FRMPD3: variants seen among roughly 807,000 people sequenced by gnomAD.
FRMPD3 encodes FERM and PDZ domain containing 3.
Under a neutral mutation model 97.9 loss-of-function variants are expected in FRMPD3, and 42 were observed. That is an observed-to-expected ratio of 0.43 (90% CI 0.34 to 0.55). FRMPD3 has a LOEUF of 0.55. FRMPD3 is among the 20% of genes least tolerant of loss of function. FRMPD3 has a pLI of 0.03. For synonymous variants in FRMPD3, 577 were observed against 581.1 expected, an observed-to-expected ratio of 0.99 and a Z score of 0.10; for missense variants, 1,303 against 1,457.7, an observed-to-expected ratio of 0.89 and a Z score of 1.73.
rs1442576361 is a variant in FRMPD3, at chrX:107,556,750, C to T, written c.762+2246C>T. On this transcript the variant is annotated intron_variant, in intron 8 of 14. Coordinates refer to ENST00000683843, the MANE Select transcript of FRMPD3 (RefSeq NM_001388459.1). ...TTATTTTGATCTGACTTATTTGGCT[C>T]GGCATACTGATTTTGAGATCCATCT... Among the ~76,000 whole-genome samples the T allele has an allele frequency of 3.6e-5, 4 of 111,894 alleles. No homozygotes were observed. In the East Asian group the frequency reaches 8.3e-4, roughly 23 times the overall value.
intron 1 of FRMPD3, among the ~76,000 whole-genome samples, chrX:107,479,498 T>C (rs1921283980): frequency 8.9e-6 from 1 of 112,250 alleles, no homozygotes; most frequent in Non-Finnish European, 1.9e-5. Flanking sequence ...CCCTGACAAC[T>C]GGATAGTAGA....
intron 1 of FRMPD3, chrX:107,525,510 T>C: frequency 3.7e-6 from 2 of 537,914 alleles, no homozygotes; most frequent in Non-Finnish European, 6.7e-6. Context: ...GTTACTTAAG[T>C]TGTGGAAATC....
chrX:107,594,172 G>A (rs369710347), intron 13 of FRMPD3, among the ~76,000 whole-genome samples: 1 of 111,710 alleles, frequency 9.0e-6, no homozygotes, highest in East Asian at 2.8e-4. Flanking sequence ...GTCACTGTTG[G>A]TGTATAGCAG....
At chrX:107,496,839 C>G (rs758663268) in intron 1 of FRMPD3, among the ~76,000 whole-genome samples, 1 of 112,559 alleles carries the variant, frequency 8.9e-6, no homozygotes, top group South Asian at 3.8e-4. Flanking sequence ...GAGAGCTGAG[C>G]TGGGCAACAG....
rs201808032 is a variant in FRMPD3, at chrX:107,472,297, A to T, written c.-8+22292A>T. On this transcript the variant is annotated intron_variant, in intron 1 of 14. Transcript: ENST00000683843. The stretch of plus-strand genomic sequence containing the variant: ...TTGCTGTGCAAAAGCTGTTTAGTTT[A>T]ATTAGATCTCATTTGTCAATTTTGG... Among the ~76,000 whole-genome samples, 7 of 111,525 alleles carry T rather than the reference A, an allele frequency of 6.3e-5. No homozygotes were observed. The East Asian group carries it at 1.7e-3, about 27-fold the overall frequency.
chrX:107,508,103 A>C (rs948565095), intron 1 of FRMPD3, among the ~76,000 whole-genome samples: 1 of 112,202 alleles, frequency 8.9e-6, no homozygotes, highest in African/African-American at 3.2e-5. Context: ...CCACAAGCCC[A>C]AGGTCCCACA....
rs1168557459 is a variant in FRMPD3 at position 107,601,996 on chromosome X, C to T, written c.3957C>T (p.Ser1319=). 1 of 1,166,288 alleles carries T rather than the reference C, an allele frequency of 8.6e-7. No homozygotes were observed. The highest frequency in any genetic ancestry group is 2.6e-5 in the Admixed American group (1 of 39,046). The change falls in exon 15 of 15, where the codon AGC becomes AGT. Residue 1319 remains serine (S), a synonymous_variant. Transcript: ENST00000683843. ...AAGCCACCCAGACACCAGTGCCCAGCCTCCGGGGGAGGGAAAGGGACAGAG... is the reference window on the plus strand; with the variant it reads ...AAGCCACCCAGACACCAGTGCCCAGTCTCCGGGGGAGGGAAAGGGACAGAG... ...RPQATQTPVP[S]LRGRERDRVL...
intron 13 of FRMPD3, among the ~76,000 whole-genome samples, chrX:107,581,101 T>A (rs972979847): frequency 1.8e-5 from 2 of 111,414 alleles, no homozygotes; most frequent in Admixed American, 1.9e-4. Flanking sequence ...TACCCTTTTT[T>A]GCTCTGTTTG....
At position 107,522,500 on chromosome X, in the gene FRMPD3, A is replaced by G. The variant is rs770740764; in HGVS notation, c.-7-4082A>G. On this transcript the variant is annotated intron_variant, in intron 1 of 14. Coordinates refer to ENST00000683843, the MANE Select transcript of FRMPD3 (RefSeq NM_001388459.1). The stretch of plus-strand genomic sequence containing the variant: ...TCCAGGACCGTGAGTGGGAGCAGGT[A>G]GGGGGTGCTGCAATTGTGGGTCCTA... 19 of 538,481 alleles carry G rather than the reference A, an allele frequency of 3.5e-5. No individual in the cohort carries two copies. In the East Asian group the frequency reaches 6.0e-4, roughly 17 times the overall value. The allele number at this position is 538,481 out of a possible 1,213,427, so 44.4% of individuals were successfully genotyped here.
In FRMPD3 at chrX:107,450,562, CCACACACA is replaced by C. The variant is rs561898459; in HGVS notation, c.-8+590_-8+597del. On this transcript the variant is annotated intron_variant, in intron 1 of 14. Coordinates refer to ENST00000683843, the MANE Select transcript of FRMPD3 (RefSeq NM_001388459.1). Reference sequence around the variant, plus strand: ...CCACACAGTCAGCCCCATGCAAAGACCACACACACACACACACACACACACACACACAC... The same window carrying C: ...CCACACAGTCAGCCCCATGCAAAGACCACACACACACACACACACACACAC... Among the ~76,000 whole-genome samples the C allele has an allele frequency of 6.3e-4, 53 of 84,293 alleles. 1 individual carries two copies. The highest frequency in any genetic ancestry group is 6.1e-3 in the East Asian group (16 of 2,642). The allele number at this position is 84,293 out of a possible 115,157, so 73.2% of individuals were successfully genotyped here. A position where few individuals can be genotyped will look rare whatever the true frequency, so the allele number is the denominator to read the frequency against.
chrX:107,554,525 A>G (rs754194263), intron 8 of FRMPD3, 21 bp downstream of exon 8: 3 of 1,198,186 alleles, frequency 2.5e-6, no homozygotes, highest in Non-Finnish European at 3.4e-6. Flanking sequence ...GCTTGGGGAT[A>G]CACAGACAGA....
chrX:107,589,083 G>A (rs1055143821), intron 13 of FRMPD3, among the ~76,000 whole-genome samples: 7 of 110,743 alleles, frequency 6.3e-5, no homozygotes, highest in African/African-American at 2.0e-4. Context: ...CTGTCAATTC[G>A]TTCTTATCAT....
intron 3 of FRMPD3, among the ~76,000 whole-genome samples, chrX:107,531,189 A>G (rs1372763376): frequency 9.1e-6 from 1 of 109,593 alleles, no homozygotes; most frequent in Admixed American, 9.8e-5. Flanking sequence ...ACATACACAC[A>G]CCCTGGCATA....
intron 1 of FRMPD3, among the ~76,000 whole-genome samples, chrX:107,466,691 C>T (rs1434010657): frequency 8.9e-6 from 1 of 112,263 alleles, no homozygotes; most frequent in African/African-American, 3.2e-5. Context: ...CACATGGCCT[C>T]TTCTGCAGTG....
At chrX:107,568,020 T>C (rs1214718792) in intron 12 of FRMPD3, among the ~76,000 whole-genome samples, 1 of 110,970 alleles carries the variant, frequency 9.0e-6, no homozygotes, top group Non-Finnish European at 1.9e-5. Flanking sequence ...ACGTGTCTTA[T>C]TATACCTAGC....
chrX:107,587,985 G>A (rs999006121), intron 13 of FRMPD3, among the ~76,000 whole-genome samples: 3 of 110,565 alleles, frequency 2.7e-5, no homozygotes, highest in African/African-American at 6.6e-5. Context: ...ATGTTGGCTA[G>A]GCTGGTCTTG....
At chrX:107,484,766 G>A (rs1921460883) in intron 1 of FRMPD3, among the ~76,000 whole-genome samples, 1 of 112,347 alleles carries the variant, frequency 8.9e-6, no homozygotes, top group African/African-American at 3.2e-5. Flanking sequence ...GGTCCTTTAG[G>A]GAGGGTACAG....
rs77634223 is a variant in FRMPD3, at chrX:107,472,520, T to TA, written c.-8+22529dup. Among the ~76,000 whole-genome samples the TA allele has an allele frequency of 1.5e-3, 147 of 95,179 alleles. 1 individual carries two copies. Among genetic ancestry groups the TA allele is most frequent in the African/African-American group, 3.1e-3 (79 of 25,617 alleles). The allele number at this position is 95,179 out of a possible 115,157, so 82.7% of individuals were successfully genotyped here. A position where few individuals can be genotyped will look rare whatever the true frequency, so the allele number is the denominator to read the frequency against. ...AAGCAGTGGCGTTTGGAGGCTCCCA[T>TA]AAAAAAAAAAAAAAGAAAACCATAA... On this transcript the variant is annotated intron_variant, in intron 1 of 14. Coordinates refer to ENST00000683843, the MANE Select transcript of FRMPD3 (RefSeq NM_001388459.1).
chrX:107,590,028 G>A (rs758586697), intron 13 of FRMPD3, among the ~76,000 whole-genome samples: 17 of 111,750 alleles, frequency 1.5e-4, no homozygotes, highest in South Asian at 3.7e-4. Context: ...GGTGGCGTGC[G>A]CCTGTAGTCC....
Sources: allele counts gnomAD v4.1 joint callset (sites outside exome capture counted in the v4.1 genomes callset), GRCh38; gene constraint gnomAD v4.1.1; transcripts MANE v1.5; gene names NCBI Gene and HGNC (gene_info 2026-07-23, HGNC 2026-07-21).